The following NOX4 variants were observed in gnomAD, a reference collection of about 807,000 sequenced individuals.
NOX4 encodes the protein kidney oxidase-1.
A neutral mutation model predicts 87.6 loss-of-function variants in NOX4; 69 were observed. The observed-to-expected ratio is 0.79, with a 90% CI of 0.65 to 0.96. The LOEUF is 0.96. Ranked by LOEUF, NOX4 falls within the 40% of genes least tolerant of loss-of-function variation. NOX4 has a pLI of 0.00. For synonymous variants in NOX4, 275 were observed against 238.2 expected (o/e 1.15, Z -1.42); for missense variants, 680 against 681.5 (o/e 1.00, Z 0.02).
chr11:89,550,255 G>A, the NOX4 span, among the ~76,000 whole-genome samples: 97 of 150,730 alleles, frequency 6.4e-4, 1 homozygote, highest in East Asian at 0.012. Flanking sequence ...GCATGATCTT[G>A]GCTCACTGCA....
intron 2 of NOX4, among the ~76,000 whole-genome samples, chr11:89,475,772 T>C (rs1466613734): frequency 1.3e-5 from 2 of 151,922 alleles, no homozygotes; most frequent in Non-Finnish European, 2.9e-5. Flanking sequence ...CCAAGTAATA[T>C]AGGGAAGAAA....
At chr11:89,587,717 T>A in the NOX4 span, among the ~76,000 whole-genome samples, 1 of 152,172 alleles carries the variant, frequency 6.6e-6, no homozygotes, top group Non-Finnish European at 1.5e-5. Context: ...GTTTATGTGT[T>A]CAGATTTATC....
chr11:89,489,065 C>T (rs1197155522), intron 2 of NOX4: 9 of 693,556 alleles, frequency 1.3e-5, no homozygotes, highest in Middle Eastern at 2.3e-4. Context: ...AACCCATTGG[C>T]TTAAAACCTA....
the NOX4 span, among the ~76,000 whole-genome samples, chr11:89,550,171 A>AT: frequency 6.7e-6 from 1 of 148,842 alleles, no homozygotes; most frequent in African/African-American, 2.5e-5. Context: ...TTGTTTCCTG[A>AT]TTTTTTAATG....
chr11:89,408,084 C>T (rs1252882371), intron 8 of NOX4, among the ~76,000 whole-genome samples: 2 of 151,870 alleles, frequency 1.3e-5, no homozygotes, highest in African/African-American at 2.4e-5. Context: ...ACAATAAAAC[C>T]AAATTGTGTA....
chr11:89,369,002 A>G (rs184173285), intron 12 of NOX4, among the ~76,000 whole-genome samples: 2 of 152,238 alleles, frequency 1.3e-5, no homozygotes, highest in Admixed American at 1.3e-4. Flanking sequence ...TAAGATATAT[A>G]TTTTTAAAAT....
chr11:89,570,499 A>C, the NOX4 span, among the ~76,000 whole-genome samples: 1 of 152,322 alleles, frequency 6.6e-6, no homozygotes, highest in Admixed American at 6.5e-5. Context: ...GAACCTAAAA[A>C]AAGTTGGAAA....
At chr11:89,449,766 A>G (rs1316974502) in intron 3 of NOX4, among the ~76,000 whole-genome samples, 1 of 152,106 alleles carries the variant, frequency 6.6e-6, no homozygotes, top group African/African-American at 2.4e-5. Context: ...AGGTTAAAAA[A>G]AAAGTTACAA....
chr11:89,335,863 A>G lies in NOX4; in HGVS notation c.1598T>C (p.Ile533Thr), dbSNP rs759412630. 1.3e-6 allele frequency: 2 copies of G among 1,591,978 alleles called. No individual in the cohort carries two copies. The highest frequency in any genetic ancestry group is 2.3e-5 in the South Asian group (2 of 87,654). The change falls in exon 17 of 18, where the codon ATA becomes ACA. Residue 533 changes from isoleucine (I) to threonine (T), a missense_variant. Physicochemically the swap from Ile to Thr is moderately conservative, Grantham distance 89. Transcript: ENST00000263317. ...RPRWKLLFDE[I>T]AKYNRGKTVG... ...TACTTACCCTCTGTTATATTTTGCT[A>G]TTTCATCAAACAAAAGTTTCCACCG...
At chr11:89,508,251 G>A in the NOX4 span, among the ~76,000 whole-genome samples, 3 of 151,992 alleles carry the variant, frequency 2.0e-5, no homozygotes, top group African/African-American at 2.4e-5. Context: ...CCAAAGCACC[G>A]CACTCAGGAT....
chr11:89,542,743 G>T, the NOX4 span, among the ~76,000 whole-genome samples: 1 of 152,264 alleles, frequency 6.6e-6, no homozygotes, highest in East Asian at 1.9e-4. Flanking sequence ...CATCCTGGGG[G>T]CAGGAACTCA....
At chr11:89,378,452 G>A (rs768611233) in intron 11 of NOX4, among the ~76,000 whole-genome samples, 1 of 151,946 alleles carries the variant, frequency 6.6e-6, no homozygotes, top group African/African-American at 2.4e-5. Context: ...TTATTAGTAC[G>A]ACTCTTATGC....
At chr11:89,412,995 T>C (rs1269077688) in intron 8 of NOX4, among the ~76,000 whole-genome samples, 2 of 152,086 alleles carry the variant, frequency 1.3e-5, no homozygotes, top group Non-Finnish European at 2.9e-5. Flanking sequence ...AAAAATCTAA[T>C]AATCAGATTT....
chr11:89,435,952 A>C (rs935697211), intron 6 of NOX4, among the ~76,000 whole-genome samples: 9 of 152,188 alleles, frequency 5.9e-5, no homozygotes, highest in Admixed American at 3.9e-4. Context: ...TTTCAGATCA[A>C]TGAAGAAGAA....
intron 2 of NOX4, among the ~76,000 whole-genome samples, chr11:89,475,099 A>T (rs1483820107): frequency 6.6e-6 from 1 of 152,092 alleles, no homozygotes; most frequent in East Asian, 1.9e-4. Context: ...GATAACAGAG[A>T]TAAATCTAAT....
chr11:89,408,837 A>AT (rs1231750752), intron 8 of NOX4, among the ~76,000 whole-genome samples: 4 of 152,106 alleles, frequency 2.6e-5, no homozygotes, highest in Non-Finnish European at 2.9e-5. Flanking sequence ...ACGCTTAATA[A>AT]TTTTTTGATC....
the NOX4 span, among the ~76,000 whole-genome samples, chr11:89,519,021 A>G: frequency 6.6e-6 from 1 of 152,082 alleles, no homozygotes; most frequent in African/African-American, 2.4e-5. Context: ...GTCAAAAAGT[A>G]CTTACTCAGT....
At chr11:89,502,904 C>T (rs1372833583), upstream of NOX4, among the ~76,000 whole-genome samples, 1 of 151,960 alleles carries the variant, frequency 6.6e-6, no homozygotes, top group East Asian at 1.9e-4. Context: ...ATGATTCAAA[C>T]ACTTCAAAAA....
At chr11:89,526,457 T>C in the NOX4 span, among the ~76,000 whole-genome samples, 51 of 152,274 alleles carry the variant, frequency 3.3e-4, no homozygotes, top group Non-Finnish European at 6.8e-4. Flanking sequence ...TCAAGTCTTA[T>C]ATAAGGAATA....
Sources: allele counts gnomAD v4.1 joint callset (sites outside exome capture counted in the v4.1 genomes callset), GRCh38; gene constraint gnomAD v4.1.1; transcripts MANE v1.5; gene names NCBI Gene and HGNC (gene_info 2026-07-23, HGNC 2026-07-21).